Variants in NHEJ1 observed in about 807,000 individuals in gnomAD.
The protein encoded by NHEJ1 is non-homologous end joining factor 1, also known as non-homologous end-joining factor 1.
NHEJ1 carries 22 observed loss-of-function variants against 39.4 expected under a neutral mutation model. The observed-to-expected ratio is 0.56, with a 90% CI of 0.40 to 0.80. The LOEUF (loss-of-function observed/expected upper bound fraction) is 0.80. Among genes scored for constraint, NHEJ1 ranks in the 30% least tolerant of loss-of-function variants. The pLI is 0.00. For synonymous variants in NHEJ1, 154 were observed against 135.6 expected (o/e 1.14, Z -0.94); for missense variants, 329 against 357.1 (o/e 0.92, Z 0.63).
chr2:219,082,458 T>G (rs58493368), intron 5 of NHEJ1, among the ~76,000 whole-genome samples: 2,450 of 152,224 alleles, frequency 0.016, 69 homozygotes, highest in African/African-American at 0.056. Context: ...AGCTTCCAAT[T>G]AGCATTTTCA....
chr2:219,087,581 C>T (rs1166658728), intron 5 of NHEJ1, among the ~76,000 whole-genome samples: 1 of 152,134 alleles, frequency 6.6e-6, no homozygotes, highest in Non-Finnish European at 1.5e-5. Flanking sequence ...GCCCCCATCC[C>T]GCCTGCTGCC....
chr2:219,084,157 C>T (rs1262161158), intron 5 of NHEJ1, among the ~76,000 whole-genome samples: 2 of 152,088 alleles, frequency 1.3e-5, no homozygotes, highest in Admixed American at 1.3e-4. Context: ...CAGGCACCTG[C>T]CACCACGCCT....
intron 3 of NHEJ1, among the ~76,000 whole-genome samples, chr2:219,151,743 G>A (rs970851435): frequency 1.3e-4 from 20 of 152,162 alleles, no homozygotes; most frequent in Admixed American, 4.6e-4. Flanking sequence ...GAGGTGGGCA[G>A]ATGACCCGAA....
intron 5 of NHEJ1, among the ~76,000 whole-genome samples, chr2:219,105,357 G>T (rs1949304193): frequency 6.6e-6 from 1 of 152,122 alleles, no homozygotes; most frequent in Non-Finnish European, 1.5e-5. Context: ...ACAGGAAAGA[G>T]ACTTTTTTTA....
intron 5 of NHEJ1, among the ~76,000 whole-genome samples, chr2:219,101,636 C>G (rs745412495): frequency 1.3e-5 from 2 of 151,958 alleles, no homozygotes; most frequent in Non-Finnish European, 2.9e-5. Context: ...GTCTTGAACT[C>G]CGGGCCTCAA....
In NHEJ1 at chr2:219,111,097, A is replaced by G. The variant is rs1298214389; in HGVS notation, c.589-32891T>C. On this transcript the variant is annotated intron_variant, in intron 5 of 7. Transcript: ENST00000356853. This position sits in a 1 kb window ranked among gnomAD's most constrained non-coding sequence, Gnocchi z 4.1. Reference sequence around the variant, plus strand: ...CCATCCTCACAAAATCCTTGTAAGGAACAAAGGTCATATTCCTTAACTAAG... The same window carrying G: ...CCATCCTCACAAAATCCTTGTAAGGGACAAAGGTCATATTCCTTAACTAAG... 2.0e-5 allele frequency among the ~76,000 whole-genome samples: 3 copies of G among 152,232 alleles called. No individual in the cohort carries two copies. Among genetic ancestry groups the G allele is most frequent in the Admixed American group, 2.0e-4 (3 of 15,288 alleles).
At chr2:219,143,473 A>G (rs1362136888) in intron 5 of NHEJ1, among the ~76,000 whole-genome samples, 1 of 152,202 alleles carries the variant, frequency 6.6e-6, no homozygotes, top group South Asian at 2.1e-4. Flanking sequence ...CTAGCAAAAC[A>G]AAACAGGGAT....
At chr2:219,150,775 G>A (rs1949787787) in intron 3 of NHEJ1, among the ~76,000 whole-genome samples, 1 of 152,058 alleles carries the variant, frequency 6.6e-6, no homozygotes, top group African/African-American at 2.4e-5. Flanking sequence ...GGCCAACACG[G>A]TGAAACCCCG....
intron 6 of NHEJ1, 81 bp from the exon 7 acceptor site, chr2:219,077,445 T>C (rs1949025193): frequency 2.8e-6 from 3 of 1,077,126 alleles, no homozygotes; most frequent in Non-Finnish European, 4.3e-6. Context: ...CCAAGCATTC[T>C]GATAAAGGCC....
intron 5 of NHEJ1, among the ~76,000 whole-genome samples, chr2:219,096,182 A>G (rs982982350): frequency 2.0e-5 from 3 of 152,232 alleles, no homozygotes; most frequent in African/African-American, 7.2e-5. Context: ...TTTTTATTGT[A>G]TAAAGTTGAT....
At chr2:219,138,112 T>G (rs6436114) in intron 5 of NHEJ1, among the ~76,000 whole-genome samples, 109,630 of 151,980 alleles carry the variant, frequency 0.72, 39,978 homozygotes, top group Non-Finnish European at 0.76. Flanking sequence ...CCTATGGCTT[T>G]CTCTACATAT....
intron 5 of NHEJ1, 56 bp downstream of exon 5, chr2:219,146,624 G>T (rs1222722748): frequency 2.9e-6 from 4 of 1,388,192 alleles, no homozygotes; most frequent in Non-Finnish European, 4.1e-6. Context: ...GGCCACTCAG[G>T]CACCTGGAAA....
intron 5 of NHEJ1, among the ~76,000 whole-genome samples, chr2:219,107,794 C>A (rs1949327708): frequency 6.6e-6 from 1 of 152,150 alleles, no homozygotes; most frequent in Non-Finnish European, 1.5e-5. Flanking sequence ...GTTCTAAGGG[C>A]TCTAGAAGCT....
chr2:219,150,711 T>C (rs1019261966), intron 3 of NHEJ1, among the ~76,000 whole-genome samples: 8 of 152,080 alleles, frequency 5.3e-5, no homozygotes, highest in Non-Finnish European at 1.0e-4. Flanking sequence ...ATCCCAGCAC[T>C]GTGGGAGGCC....
chr2:219,122,641 A>G (rs1385552013), intron 5 of NHEJ1, among the ~76,000 whole-genome samples: 1 of 152,066 alleles, frequency 6.6e-6, no homozygotes, highest in Non-Finnish European at 1.5e-5. Context: ...CCAGACATTT[A>G]CTCTTAAGAT....
intron 1 of NHEJ1, 57 bp from the exon 2 acceptor site, chr2:219,158,419 G>A: frequency 6.5e-7 from 1 of 1,539,944 alleles, no homozygotes; most frequent in South Asian, 1.1e-5. Context: ...CCTAGGGAGG[G>A]CACCACCCAA....
intron 5 of NHEJ1, among the ~76,000 whole-genome samples, chr2:219,090,953 TTTAG>T (rs1949154837): frequency 6.6e-6 from 1 of 152,222 alleles, no homozygotes; most frequent in Non-Finnish European, 1.5e-5. Context: ...GATTATACTT[TTTAG>T]TTATTCATTT....
At chr2:219,130,643 G>A (rs1276240629) in intron 5 of NHEJ1, among the ~76,000 whole-genome samples, 1 of 152,192 alleles carries the variant, frequency 6.6e-6, no homozygotes, top group Non-Finnish European at 1.5e-5. Context: ...GGCTTCTCCA[G>A]CTGTGCAAAG....
intron 5 of NHEJ1, among the ~76,000 whole-genome samples, chr2:219,125,267 T>C (rs895258808): frequency 6.6e-6 from 1 of 152,128 alleles, no homozygotes; most frequent in African/African-American, 2.4e-5. Flanking sequence ...CAACCCATAT[T>C]ACGCATAAAA....
Sources: allele counts gnomAD v4.1 joint callset (sites outside exome capture counted in the v4.1 genomes callset), GRCh38; gene constraint gnomAD v4.1.1; non-coding constraint Gnocchi (gnomAD v3.1); transcripts MANE v1.5; gene names NCBI Gene and HGNC (gene_info 2026-07-23, HGNC 2026-07-21).